TECPR2: variants seen among roughly 807,000 people sequenced by gnomAD.
TECPR2 encodes tectonin beta-propeller repeat-containing protein 2.
TECPR2 carries 65 observed loss-of-function variants against 138.1 expected under a neutral mutation model. The observed-to-expected ratio is 0.47, with a 90% confidence interval of 0.39 to 0.58. TECPR2 has a LOEUF of 0.58. TECPR2 is among the 20% of genes least tolerant of loss of function. The pLI is 0.00. For missense variants in TECPR2, 1,553 were observed against 1,824.5 expected (o/e 0.85, Z 2.71); for synonymous variants, 746 against 749.8 (o/e 0.99, Z 0.08).
chr14:102,455,650 GC>G (rs1159865410), intron 16 of TECPR2, among the ~76,000 whole-genome samples: 1 of 149,944 alleles, frequency 6.7e-6, no homozygotes, highest in Non-Finnish European at 1.5e-5. Context: ...TCGCTCTGTC[GC>G]CCAGGCTGGA....
intron 2 of TECPR2, among the ~76,000 whole-genome samples, chr14:102,386,935 G>A (rs1480993482): frequency 1.3e-5 from 2 of 152,126 alleles, no homozygotes; most frequent in Non-Finnish European, 2.9e-5. Flanking sequence ...ATCTCTGATT[G>A]CCTAACCATT....
At chr14:102,454,169 AAAAG>A (rs1386226232) in intron 16 of TECPR2, among the ~76,000 whole-genome samples, 8 of 151,838 alleles carry the variant, frequency 5.3e-5, no homozygotes, top group East Asian at 1.9e-4. Flanking sequence ...AAAAAAAAAA[AAAAG>A]AAAGCAGGAA....
intron 2 of TECPR2, among the ~76,000 whole-genome samples, chr14:102,401,804 CA>C (rs34413626): frequency 0.022 from 1,515 of 68,856 alleles, 12 homozygotes; most frequent in African/African-American, 0.079. Flanking sequence ...GACTCCGTCT[CA>C]AAAAAAAAAA....
At chr14:102,381,329 T>C (rs550702769) in intron 2 of TECPR2, among the ~76,000 whole-genome samples, 1 of 152,292 alleles carries the variant, frequency 6.6e-6, no homozygotes, top group African/African-American at 2.4e-5. Context: ...TTCCAGAACT[T>C]TGGGAGGCTG....
intron 4 of TECPR2, among the ~76,000 whole-genome samples, chr14:102,408,967 AG>A (rs1303394343): frequency 1.3e-5 from 2 of 152,224 alleles, no homozygotes; most frequent in Non-Finnish European, 2.9e-5. Flanking sequence ...CAATGGATGG[AG>A]GACTCTGCCA....
rs571058743 is a variant in TECPR2, at chr14:102,373,192, T to G, written c.-72-3458T>G. 2.1e-4 allele frequency among the ~76,000 whole-genome samples: 32 copies of G among 151,978 alleles called. 1 individual carries two copies. Among genetic ancestry groups the G allele is most frequent in the African/African-American group, 6.7e-4 (28 of 41,552 alleles). ...TATGATGCCTACTTCATGTTTGTTT[T>G]TTTTTTCTTTCTTTTTGGTGAGGAT... On this transcript the variant is annotated intron_variant, in intron 1 of 19. Coordinates refer to ENST00000359520, the MANE Select transcript of TECPR2 (RefSeq NM_014844.5).
chr14:102,370,077 T>C (rs1007766363), intron 1 of TECPR2, among the ~76,000 whole-genome samples: 12 of 146,478 alleles, frequency 8.2e-5, no homozygotes, highest in Non-Finnish European at 9.1e-5. Flanking sequence ...GAGGAATAAC[T>C]TTTTTTTTTT....
chr14:102,449,551 A>G, intron 13 of TECPR2, 78 bp from the exon 14 acceptor site: 1 of 1,585,414 alleles, frequency 6.3e-7, no homozygotes, highest in Non-Finnish European at 8.6e-7. Context: ...GACCTGAGCT[A>G]GAACCTTCCC....
At chr14:102,363,411 G>A (rs1294882800) in intron 1 of TECPR2, among the ~76,000 whole-genome samples, 1 of 151,812 alleles carries the variant, frequency 6.6e-6, no homozygotes, top group Non-Finnish European at 1.5e-5. Flanking sequence ...CCGCGCCCTC[G>A]GCCCCCGGCC....
At position 102,497,020 on chromosome 14, in the gene TECPR2, C is replaced by T. The variant is rs200792120; in HGVS notation, c.3831C>T (p.Asn1277=). Residue 1277 remains asparagine, a synonymous_variant, in exon 18 of 20, where the codon AAC becomes AAT. Transcript: ENST00000359520. ...TGGTCAGCGTCCATTCCAGCCCCAA[C>T]GACCAGATGCTGTGGGTGCTTGACA... is the stretch of plus-strand genomic sequence containing the variant. The part of the protein sequence containing the change: ...VSLVSVHSSP[N]DQMLWVLDSR... The T allele has an allele frequency of 2.5e-4, 406 of 1,613,956 alleles. No homozygotes were observed. The highest frequency in any genetic ancestry group is 2.4e-4 in the South Asian group (22 of 91,088).
chr14:102,381,724 A>G (rs1381898524), intron 2 of TECPR2, among the ~76,000 whole-genome samples: 2 of 152,240 alleles, frequency 1.3e-5, no homozygotes, highest in Non-Finnish European at 2.9e-5. Context: ...AGTCATTGCT[A>G]AATGAAGTTC....
intron 7 of TECPR2, among the ~76,000 whole-genome samples, chr14:102,429,314 T>G (rs956858422): frequency 6.6e-6 from 1 of 152,204 alleles, no homozygotes; most frequent in African/African-American, 2.4e-5. Context: ...TACTGATCCC[T>G]GCTCTCCGTC....
chr14:102,440,522 G>A lies in TECPR2; in HGVS notation c.2665G>A (p.Glu889Lys), dbSNP rs758992021. Reference sequence around the variant, plus strand: ...CATCAAGGGGAAGCGGCACTGGTACGAAGCCCTGCCCCAGGCAGTGTTTGT... The same window carrying A: ...CATCAAGGGGAAGCGGCACTGGTACAAAGCCCTGCCCCAGGCAGTGTTTGT... ...VTIKGKRHWYEALPQAVFVAL... is the reference protein window; with the variant it reads ...VTIKGKRHWYKALPQAVFVAL... Residue 889 changes from glutamate (E) to lysine (K), a missense_variant, in exon 11 of 20, where the codon GAA becomes AAA. Coordinates refer to ENST00000359520, the MANE Select transcript of TECPR2 (RefSeq NM_014844.5). 5.0e-6 allele frequency: 8 copies of A among 1,614,202 alleles called. No homozygotes were observed. The highest frequency in any genetic ancestry group is 4.4e-5 in the South Asian group (4 of 91,088).
intron 17 of TECPR2, among the ~76,000 whole-genome samples, chr14:102,484,125 T>C (rs1276667391): frequency 6.6e-6 from 1 of 152,128 alleles, no homozygotes; most frequent in Non-Finnish European, 1.5e-5. Flanking sequence ...TTGTGGACTT[T>C]CTAAGCTGGC....
rs1889609358 is a variant in TECPR2, at chr14:102,434,724, A to C, written c.1907A>C (p.Gln636Pro). Residue 636 changes from glutamine to proline, a missense_variant, in exon 9 of 20, where the codon CAA (glutamine) becomes CCA (proline). Physicochemically the swap from Gln to Pro is moderately conservative, Grantham distance 76 (BLOSUM62 -1). Transcript: ENST00000359520. ...DGEDIQPIGP[Q>P]STFCEVPLLN... ...GAAGACATCCAACCCATTGGCCCCCAAAGCACTTTTTGTGAAGTCCCCCTC... is the reference window on the plus strand; with the variant it reads ...GAAGACATCCAACCCATTGGCCCCCCAAGCACTTTTTGTGAAGTCCCCCTC... The C allele has an allele frequency of 6.2e-7, 1 of 1,613,794 alleles. No homozygotes were observed. The highest frequency in any genetic ancestry group is 8.5e-7 in the Non-Finnish European group (1 of 1,180,024).
chr14:102,426,564 T>TGAA (rs1889327450), intron 6 of TECPR2, among the ~76,000 whole-genome samples: 1 of 152,150 alleles, frequency 6.6e-6, no homozygotes, highest in Non-Finnish European at 1.5e-5. Context: ...AATAAACAGT[T>TGAA]TTCAGCCAGG....
intron 12 of TECPR2, among the ~76,000 whole-genome samples, chr14:102,444,046 C>T (rs1164462297): frequency 2.0e-5 from 3 of 152,150 alleles, no homozygotes; most frequent in Non-Finnish European, 2.9e-5. Context: ...CTGCGCAGCC[C>T]TGAGCATCAC....
At chr14:102,459,744 A>G (rs1334067018) in intron 16 of TECPR2, among the ~76,000 whole-genome samples, 2 of 151,994 alleles carry the variant, frequency 1.3e-5, no homozygotes, top group East Asian at 3.9e-4. Context: ...CTGGGAACAG[A>G]GCGAGACTCC....
At chr14:102,488,475 G>T (rs1481538349) in intron 17 of TECPR2, among the ~76,000 whole-genome samples, 7 of 151,976 alleles carry the variant, frequency 4.6e-5, no homozygotes, top group Admixed American at 4.6e-4. Flanking sequence ...GAGTAGGTGG[G>T]ATTACAGGCG....
Sources: allele counts gnomAD v4.1 joint callset (sites outside exome capture counted in the v4.1 genomes callset), GRCh38; gene constraint gnomAD v4.1.1; transcripts MANE v1.5; gene names NCBI Gene and HGNC (gene_info 2026-07-23, HGNC 2026-07-21).